Variants in PGGT1B observed in about 807,000 individuals in gnomAD.
PGGT1B encodes geranylgeranyl transferase type-1 subunit beta.
In PGGT1B, 30 loss-of-function variants were observed where a neutral mutation model predicts 46.1. That is an observed-to-expected ratio of 0.65 (90% CI 0.49 to 0.88). PGGT1B has a LOEUF of 0.88. PGGT1B is among the 40% of genes least tolerant of loss of function. The probability of loss-of-function intolerance (pLI) is 0.00; values close to 1 mark genes in which losing one functional copy is unlikely to be tolerated. For synonymous variants in PGGT1B, 170 were observed against 160.0 expected, an observed-to-expected ratio of 1.06 and a Z score of -0.47; for missense variants, 376 against 455.9, an observed-to-expected ratio of 0.82 and a Z score of 1.60.
At position 115,208,096 on chromosome 5, in the gene PGGT1B, G is replaced by A. The variant is rs541491347; in HGVS notation, c.*4306C>T. The A allele has an allele frequency of 6.6e-6, 1 of 152,038 alleles. No individual in the cohort carries two copies. The highest frequency in any genetic ancestry group is 2.4e-5 in the African/African-American group (1 of 41,498). 9.4% of individuals were successfully genotyped at this position (152,038 alleles called of 1,614,324 possible). ...ACTTAGTCATGATTACCTTTTGAAA[G>A]TGCTGTTGGATTGTTTGCTAATGTT... On this transcript the variant is annotated 3_prime_UTR_variant, in exon 9 of 9. Coordinates refer to ENST00000419445, the MANE Select transcript of PGGT1B (RefSeq NM_005023.4).
chr5:115,232,834 A>G (rs1036641426), intron 5 of PGGT1B, among the ~76,000 whole-genome samples: 11 of 152,054 alleles, frequency 7.2e-5, no homozygotes, highest in Non-Finnish European at 1.3e-4. Flanking sequence ...CAGGGCTCAA[A>G]GAGTGTAAAT....
At position 115,208,877 on chromosome 5, in the gene PGGT1B, G is replaced by T. The variant is rs1020207903; in HGVS notation, c.*3525C>A. On this transcript the variant is annotated 3_prime_UTR_variant, in exon 9 of 9. Transcript: ENST00000419445. ...GCATTTTATTTTTTGGCAAATATTAGGTTTTTATCTGTCTTGTGGTCATGT... is the reference window on the plus strand; with the variant it reads ...GCATTTTATTTTTTGGCAAATATTATGTTTTTATCTGTCTTGTGGTCATGT... 6.6e-6 allele frequency: 1 copy of T among 151,804 alleles called. No homozygotes were observed. Among genetic ancestry groups the T allele is most frequent in the Non-Finnish European group, 1.5e-5 (1 of 67,912 alleles). 9.4% of individuals were successfully genotyped at this position (151,804 alleles called of 1,614,324 possible).
chr5:115,215,728 C>T (rs1217246039), intron 8 of PGGT1B, among the ~76,000 whole-genome samples: 1 of 152,186 alleles, frequency 6.6e-6, no homozygotes, highest in Non-Finnish European at 1.5e-5. Context: ...ATTCCAACCA[C>T]AGCAGTTCTG....
rs1756936566 is a variant in PGGT1B, at chr5:115,230,298, G to C, written c.658+678C>G. On this transcript the variant is annotated intron_variant, in intron 6 of 8. Coordinates refer to ENST00000419445, the MANE Select transcript of PGGT1B (RefSeq NM_005023.4). ...ACAAATAATTATATGGAAAACTGCT[G>C]TGATGAGGAAGAAAGTGAAATTCAC... 2.6e-5 allele frequency among the ~76,000 whole-genome samples: 4 copies of C among 152,090 alleles called. No homozygotes were observed. In the South Asian group the frequency reaches 8.3e-4, roughly 31 times the overall value.
Position 115,253,228 on chromosome 5 carries a change from G to A in PGGT1B, c.168C>T (p.Ser56=), listed in dbSNP as rs35460812. 1,091 of 1,583,280 alleles carry A rather than the reference G, an allele frequency of 6.9e-4. 2 individuals are homozygous for A. The highest frequency in any genetic ancestry group is 8.3e-4 in the Non-Finnish European group (965 of 1,169,332). Residue 56 remains serine, a synonymous_variant, in exon 2 of 9, where the codon TCC becomes TCT. Transcript: ENST00000419445. ...CTAAGGAATCCAACATATCCAGCCCGGAGAGTGCAAAAAATGCAATTGTCA... is the reference window on the plus strand; with the variant it reads ...CTAAGGAATCCAACATATCCAGCCCAGAGAGTGCAAAAAATGCAATTGTCA... ...SRLTIAFFAL[S]GLDMLDSLDV...
Position 115,206,679 on chromosome 5 carries a change from A to G in PGGT1B, c.*5723T>C, listed in dbSNP as rs1756074938. On this transcript the variant is annotated 3_prime_UTR_variant, in exon 9 of 9. Transcript: ENST00000419445. ...ATCATAATGTGTCTTATTTTTCACA[A>G]TTACAAAAATGTGGCTGTGAGATCC... The G allele has an allele frequency of 6.6e-6, 1 of 152,102 alleles. No individual in the cohort carries two copies. The highest frequency in any genetic ancestry group is 1.5e-5 in the Non-Finnish European group (1 of 67,978). 9.4% of individuals were successfully genotyped at this position (152,102 alleles called of 1,614,324 possible). A position where few individuals can be genotyped will look rare whatever the true frequency, so the allele number is the denominator to read the frequency against.
At chr5:115,236,345 C>G (rs201190780) in intron 5 of PGGT1B, 45 bp downstream of exon 5, 118 of 1,507,408 alleles carry the variant, frequency 7.8e-5, no homozygotes, top group Non-Finnish European at 1.0e-4. Context: ...CCCTCATGTA[C>G]CAGCAAAAAC....
At chr5:115,219,775 G>C (rs1314538312) in intron 7 of PGGT1B, among the ~76,000 whole-genome samples, 1 of 151,686 alleles carries the variant, frequency 6.6e-6, no homozygotes, top group South Asian at 2.1e-4. Flanking sequence ...ATAGGCAAAG[G>C]GTTTGAATAG....
At position 115,205,368 on chromosome 5, in the gene PGGT1B, A is replaced by T. The variant is rs1756031181; in HGVS notation, c.*7034T>A. 6.6e-6 allele frequency: 1 copy of T among 152,134 alleles called. No individual in the cohort carries two copies. The highest frequency in any genetic ancestry group is 2.4e-5 in the African/African-American group (1 of 41,438). The allele number at this position is 152,134 out of a possible 1,614,324, so 9.4% of individuals were successfully genotyped here. A position where few individuals can be genotyped will look rare whatever the true frequency, so the allele number is the denominator to read the frequency against. ...TAGTGCATTACCAGTTGGTTCAGGG[A>T]ATCCCACATACAATTTTAATGGCCA... On this transcript the variant is annotated 3_prime_UTR_variant, in exon 9 of 9. Transcript: ENST00000419445.
intron 1 of PGGT1B, among the ~76,000 whole-genome samples, chr5:115,256,326 T>C (rs1192942419): frequency 3.3e-5 from 5 of 152,204 alleles, no homozygotes; most frequent in Non-Finnish European, 7.4e-5. Flanking sequence ...CATACTCTTA[T>C]CTGTATACGT....
intron 7 of PGGT1B, among the ~76,000 whole-genome samples, chr5:115,221,187 C>T (rs1235886501): frequency 6.6e-6 from 1 of 151,864 alleles, no homozygotes; most frequent in East Asian, 1.9e-4. Flanking sequence ...CTCTAACAGA[C>T]TCCTGTTACA....
At chr5:115,242,810 T>C (rs946067819) in intron 2 of PGGT1B, among the ~76,000 whole-genome samples, 3 of 152,042 alleles carry the variant, frequency 2.0e-5, no homozygotes, top group Non-Finnish European at 4.4e-5. Flanking sequence ...ATACTAATAA[T>C]ACAAAACTTA....
At chr5:115,247,836 A>G (rs2127023328) in intron 2 of PGGT1B, among the ~76,000 whole-genome samples, 1 of 152,332 alleles carries the variant, frequency 6.6e-6, no homozygotes, top group South Asian at 2.1e-4. Flanking sequence ...GAGAATTCAG[A>G]ATTGCAGCTG....
intron 5 of PGGT1B, among the ~76,000 whole-genome samples, chr5:115,234,348 C>T (rs555728582): frequency 1.3e-5 from 2 of 151,738 alleles, no homozygotes; most frequent in South Asian, 4.2e-4. Flanking sequence ...TACAGGGTGA[C>T]AGGGAACAAG....
At chr5:115,215,321 T>G (rs1448598840) in intron 8 of PGGT1B, among the ~76,000 whole-genome samples, 1 of 147,202 alleles carries the variant, frequency 6.8e-6, no homozygotes, top group African/African-American at 2.5e-5. Context: ...TTTTTTGAGA[T>G]GTACTCTTGC....
intron 5 of PGGT1B, among the ~76,000 whole-genome samples, chr5:115,232,460 T>C (rs1418740356): frequency 6.6e-6 from 1 of 152,096 alleles, no homozygotes; most frequent in Non-Finnish European, 1.5e-5. Flanking sequence ...TTATAATTTA[T>C]ATAATGAGAA....
At chr5:115,251,594 T>C (rs1040126676) in intron 2 of PGGT1B, among the ~76,000 whole-genome samples, 4 of 152,198 alleles carry the variant, frequency 2.6e-5, no homozygotes, top group Admixed American at 1.3e-4. Flanking sequence ...CTGGAAACTA[T>C]AACCTACAGC....
chr5:115,220,790 T>G (rs191693579), intron 7 of PGGT1B, among the ~76,000 whole-genome samples: 1 of 151,870 alleles, frequency 6.6e-6, no homozygotes. Context: ...CTGTTTTTTT[T>G]AAAAAGTTAT....
At chr5:115,225,383 G>T (rs1756739762) in intron 6 of PGGT1B, among the ~76,000 whole-genome samples, 1 of 142,120 alleles carries the variant, frequency 7.0e-6, no homozygotes, top group African/African-American at 2.5e-5. Context: ...TAAAGGAGGT[G>T]TTCCTGACTT....
Sources: allele counts gnomAD v4.1 joint callset (sites outside exome capture counted in the v4.1 genomes callset), GRCh38; gene constraint gnomAD v4.1.1; transcripts MANE v1.5; gene names NCBI Gene and HGNC (gene_info 2026-07-23, HGNC 2026-07-21).